TEX14: variants seen among roughly 807,000 people sequenced by gnomAD.
TEX14 encodes inactive serine/threonine-protein kinase TEX14.
Under a neutral mutation model 178.6 loss-of-function variants are expected in TEX14, and 168 were observed. The ratio of observed to expected loss-of-function variants is 0.94; its 90% CI spans 0.83 to 1.07. TEX14 has a LOEUF of 1.07. Among genes scored for constraint, TEX14 ranks in the 50% least tolerant of loss-of-function variants. TEX14 has a pLI of 0.00. For synonymous variants in TEX14, 626 were observed against 634.1 expected (o/e 0.99, Z 0.19); for missense variants, 1,730 against 1,753.6 (o/e 0.99, Z 0.24).
Position 58,556,729 on chromosome 17 carries a change from A to C in TEX14, c.*282T>G, listed in dbSNP as rs1691956492. The stretch of plus-strand genomic sequence containing the variant: ...TATATAACAAGAGTTAAAGTTTTTG[A>C]AAATTAACATCAACAAAACCAAAGC... On this transcript the variant is annotated 3_prime_UTR_variant, in exon 32 of 32. Transcript: ENST00000349033. The C allele has an allele frequency of 2.6e-6, 1 of 389,466 alleles. No homozygotes were observed. Among genetic ancestry groups the C allele is most frequent in the Non-Finnish European group, 4.6e-6 (1 of 218,518 alleles). 24.1% of individuals were successfully genotyped at this position (389,466 alleles called of 1,614,324 possible).
intron 29 of TEX14, 42 bp downstream of exon 29, chr17:58,561,474 ACTTC>A (rs2044270814): frequency 7.4e-7 from 1 of 1,347,826 alleles, no homozygotes; most frequent in Non-Finnish European, 1.1e-6. Flanking sequence ...ACCTAGCCCC[ACTTC>A]CTGAAAAAGA....
At chr17:58,566,529 T>A (rs1395530880) in intron 26 of TEX14, among the ~76,000 whole-genome samples, 1 of 152,220 alleles carries the variant, frequency 6.6e-6, no homozygotes, top group African/African-American at 2.4e-5. Context: ...CTGAGCATGG[T>A]GGCTCACGCC....
chr17:58,566,021 T>G (rs2044390381), intron 26 of TEX14, among the ~76,000 whole-genome samples, 197 bp from the exon 27 acceptor site: 1 of 152,128 alleles, frequency 6.6e-6, no homozygotes, highest in Non-Finnish European at 1.5e-5. Flanking sequence ...CAATGTGTGT[T>G]TTACTTAGCC....
At chr17:58,677,703 T>C (rs1224171910) in intron 1 of TEX14, 2 of 141,570 alleles carry the variant, frequency 1.4e-5, no homozygotes, top group East Asian at 4.1e-4. Context: ...AAAACCACCT[T>C]TGTGGTCAGG....
At chr17:58,625,562 G>A (rs1228885203) in intron 3 of TEX14, among the ~76,000 whole-genome samples, 2 of 152,194 alleles carry the variant, frequency 1.3e-5, no homozygotes, top group Non-Finnish European at 2.9e-5. Flanking sequence ...ACCCAGCTAA[G>A]CTTACAAGAG....
intron 5 of TEX14, among the ~76,000 whole-genome samples, chr17:58,618,547 G>C (rs1167666003): frequency 6.6e-6 from 1 of 152,212 alleles, no homozygotes; most frequent in African/African-American, 2.4e-5. Context: ...CCATGCAGTA[G>C]GTGCTCAGTT....
intron 1 of TEX14, among the ~76,000 whole-genome samples, chr17:58,665,644 C>T (rs147230708): frequency 8.0e-4 from 121 of 152,000 alleles, no homozygotes; most frequent in African/African-American, 2.7e-3. Flanking sequence ...GTTTACCTCA[C>T]TAAAGTTCCT....
At chr17:58,679,506 C>T (rs1308805054) in intron 1 of TEX14, 1 of 152,126 alleles carries the variant, frequency 6.6e-6, no homozygotes, top group Non-Finnish European at 1.5e-5. Context: ...CAACGTACGC[C>T]TTTTATAAAC....
At chr17:58,599,755 T>C (rs1160929845) in intron 13 of TEX14, 89 bp from the exon 14 acceptor site, 7 of 950,894 alleles carry the variant, frequency 7.4e-6, no homozygotes, top group African/African-American at 1.7e-5. Flanking sequence ...GCAAAGACTG[T>C]CAAAAAAAAA....
chr17:58,614,250 G>A (rs1464444574), intron 8 of TEX14, among the ~76,000 whole-genome samples: 1 of 152,182 alleles, frequency 6.6e-6, no homozygotes, highest in East Asian at 1.9e-4. Flanking sequence ...AGCACTTTGG[G>A]AGGCCAAGGT....
chr17:58,593,425 A>G, intron 15 of TEX14, 130 bp downstream of exon 15: 1 of 707,546 alleles, frequency 1.4e-6, no homozygotes, highest in Non-Finnish European at 2.4e-6. Context: ...GAACCTGCCA[A>G]TCTGCATTAC....
chr17:58,619,796 C>CAAA (rs71367606), intron 5 of TEX14, among the ~76,000 whole-genome samples: 4 of 73,798 alleles, frequency 5.4e-5, no homozygotes, highest in African/African-American at 5.7e-5. Flanking sequence ...GACTCAGTCT[C>CAAA]AAAAAAAAAA....
intron 2 of TEX14, chr17:58,631,579 C>CA (rs1266318104): frequency 6.7e-6 from 1 of 150,364 alleles, no homozygotes; most frequent in Non-Finnish European, 1.5e-5. Flanking sequence ...ACCTTATACT[C>CA]AAAAATTAAA....
chr17:58,665,381 G>C (rs2047186212), intron 1 of TEX14, among the ~76,000 whole-genome samples: 1 of 150,352 alleles, frequency 6.7e-6, no homozygotes, highest in Non-Finnish European at 1.5e-5. Flanking sequence ...AGGCAGGATG[G>C]CTTGAGGCCA....
rs149462299 is a variant in TEX14, at chr17:58,605,070, T to C, written c.1244A>G (p.Asn415Ser). The C allele has an allele frequency of 2.2e-5, 36 of 1,614,064 alleles. No homozygotes were observed. In the African/African-American group the frequency reaches 4.5e-4, roughly 20 times the overall value. ...TAAGATCACTTCTGGTGCGGCCCAG[T>C]TGTATAGCTGCGTAGGAAGGGGCAC... ...TRVPLPTQLYNWAAPEVILQK... is the reference protein window; with the variant it reads ...TRVPLPTQLYSWAAPEVILQK... Residue 415 changes from asparagine (N) to serine (S), a missense_variant, in exon 11 of 32, where the codon AAC becomes AGC. Transcript: ENST00000349033.
chr17:58,670,211 T>C (rs1034333415), intron 1 of TEX14, among the ~76,000 whole-genome samples: 2 of 152,204 alleles, frequency 1.3e-5, no homozygotes, highest in Admixed American at 6.6e-5. Flanking sequence ...ACTGTGTGAT[T>C]ATCAGTCAGT....
intron 5 of TEX14, among the ~76,000 whole-genome samples, chr17:58,619,734 A>T (rs2045953853): frequency 6.7e-6 from 1 of 149,034 alleles, no homozygotes; most frequent in African/African-American, 2.5e-5. Flanking sequence ...CCCAGGAGAC[A>T]GAGGTTGTGG....
chr17:58,592,695 C>T (rs543567543), intron 15 of TEX14, among the ~76,000 whole-genome samples: 3 of 151,860 alleles, frequency 2.0e-5, no homozygotes, highest in South Asian at 2.1e-4. Flanking sequence ...CCCGCCACCA[C>T]GCCCGGCTAA....
intron 5 of TEX14, among the ~76,000 whole-genome samples, chr17:58,620,238 G>A (rs1334465391): frequency 1.3e-5 from 2 of 152,188 alleles, no homozygotes; most frequent in African/African-American, 2.4e-5. Flanking sequence ...GCCGGATAAG[G>A]GATTTCTAAA....
Sources: allele counts gnomAD v4.1 joint callset (sites outside exome capture counted in the v4.1 genomes callset), GRCh38; gene constraint gnomAD v4.1.1; transcripts MANE v1.5; gene names NCBI Gene and HGNC (gene_info 2026-07-23, HGNC 2026-07-21).